TMEM204: variants seen among roughly 807,000 people sequenced by gnomAD.
The protein encoded by TMEM204 is claudin-like protein 24.
A neutral mutation model predicts 19.4 loss-of-function variants in TMEM204; 15 were observed. The ratio of observed to expected loss-of-function variants is 0.77; its 90% CI spans 0.52 to 1.19. The LOEUF is 1.19. Ranked by LOEUF, TMEM204 falls within the 50% of genes most tolerant of loss-of-function variation. The pLI, the probability that TMEM204 is intolerant of heterozygous loss-of-function variation, is 0.00. For missense variants in TMEM204, 287 were observed against 321.2 expected (o/e 0.89, Z 0.81); for synonymous variants, 161 against 146.0 (o/e 1.10, Z -0.74).
intron 2 of TMEM204, among the ~76,000 whole-genome samples, chr16:1,552,306 C>T (rs2032716463): frequency 6.6e-6 from 1 of 152,006 alleles, no homozygotes; most frequent in Admixed American, 6.5e-5. Context: ...TGGGACTCTC[C>T]CCAAGGCTCC....
chr16:1,541,990 T>C lies in TMEM204; in HGVS notation c.350T>C (p.Phe117Ser). The C allele has an allele frequency of 6.2e-7, 1 of 1,611,280 alleles. No individual in the cohort carries two copies. The highest frequency in any genetic ancestry group is 8.5e-7 in the Non-Finnish European group (1 of 1,179,670). ...TAALTAGQLT[F>S]LLGLVGLPLL... ...GCGCTCACCGCAGGCCAGCTCACCTTCCTCCTGGGGCTGGTGGGCCTGCCC... is the reference window on the plus strand; with the variant it reads ...GCGCTCACCGCAGGCCAGCTCACCTCCCTCCTGGGGCTGGTGGGCCTGCCC... Residue 117 changes from phenylalanine (F) to serine (S), a missense_variant, in exon 2 of 3, where the codon TTC becomes TCC. Coordinates refer to ENST00000566264, the MANE Select transcript of TMEM204 (RefSeq NM_024600.6).
At chr16:1,538,677 A>G (rs1796910931) in intron 1 of TMEM204, among the ~76,000 whole-genome samples, 1 of 152,230 alleles carries the variant, frequency 6.6e-6, no homozygotes, top group South Asian at 2.1e-4. Flanking sequence ...AGTCATTGCC[A>G]AGACAGTTAA....
intron 2 of TMEM204, among the ~76,000 whole-genome samples, chr16:1,549,407 C>T (rs760465921): frequency 6.6e-6 from 1 of 152,244 alleles, no homozygotes; most frequent in Non-Finnish European, 1.5e-5. Context: ...CGGCTCCAGA[C>T]GCACCCCAGG....
chr16:1,528,883 C>CA, upstream of TMEM204: 1 of 152,352 alleles, frequency 6.6e-6, no homozygotes, highest in Non-Finnish European at 1.5e-5. Flanking sequence ...GGAGGACAGC[C>CA]AGGGAGCCCA....
upstream of TMEM204, chr16:1,533,592 C>T (rs942173192): frequency 6.6e-6 from 1 of 152,342 alleles, no homozygotes; most frequent in African/African-American, 2.4e-5. This position sits in a 1 kb window ranked among gnomAD's most constrained non-coding sequence, Gnocchi z 4.7. Flanking sequence ...TGGTGTCTGG[C>T]TGCCGCGGCA....
chr16:1,541,510 T>C, intron 1 of TMEM204: 1 of 985,336 alleles, frequency 1.0e-6, no homozygotes, highest in Non-Finnish European at 1.2e-6. Flanking sequence ...AGCGCCCTCG[T>C]CTTGGATGCT....
intron 1 of TMEM204, chr16:1,541,448 C>A (rs542529205): frequency 3.0e-6 from 3 of 985,390 alleles, no homozygotes; most frequent in African/African-American, 1.7e-5. Context: ...CAGCTGAGCA[C>A]GCAGGACAGC....
At chr16:1,552,289 G>C (rs1033015143) in intron 2 of TMEM204, among the ~76,000 whole-genome samples, 3 of 151,994 alleles carry the variant, frequency 2.0e-5, no homozygotes, top group Non-Finnish European at 2.9e-5. Flanking sequence ...TCGCCCCCCT[G>C]CTGGGCTGGG....
rs960990014 is a variant in TMEM204, at chr16:1,550,300, G to A, written c.437-4482G>A. On this transcript the variant is annotated intron_variant, in intron 2 of 2. Coordinates refer to ENST00000566264, the MANE Select transcript of TMEM204 (RefSeq NM_024600.6). ...AGCAGACAGATGCTCTGAGGCCTGAGCTCGTGTTTATGGCAAGCAACACAG... is the reference window on the plus strand; with the variant it reads ...AGCAGACAGATGCTCTGAGGCCTGAACTCGTGTTTATGGCAAGCAACACAG... Among the ~76,000 whole-genome samples, 3 of 152,202 alleles carry A rather than the reference G, an allele frequency of 2.0e-5. No homozygotes were observed. In the South Asian group the frequency reaches 6.2e-4, roughly 31 times the overall value.
intron 1 of TMEM204, chr16:1,541,475 C>T (rs1435142754): frequency 1.0e-6 from 1 of 985,348 alleles, no homozygotes; most frequent in African/African-American, 1.7e-5. Context: ...GAGGAGCTGG[C>T]CCCCCGCGGA....
Position 1,534,155 on chromosome 16 carries a change from C to T in TMEM204, c.-121C>T, listed in dbSNP as rs1294681559. On this transcript the variant is annotated 5_prime_UTR_variant, in exon 1 of 3. Transcript: ENST00000566264. ...CCATCCCATGGGCCTCCGCCCGCGC[C>T]GCCCCGAGGATGAGTGGTGATGTCC... 12 of 1,314,634 alleles carry T rather than the reference C, an allele frequency of 9.1e-6. No individual in the cohort carries two copies. Among genetic ancestry groups the T allele is most frequent in the South Asian group, 1.4e-5 (1 of 69,398 alleles). 81.4% of individuals were successfully genotyped at this position (1,314,634 alleles called of 1,614,324 possible). A position where few individuals can be genotyped will look rare whatever the true frequency, so the allele number is the denominator to read the frequency against.
intron 2 of TMEM204, among the ~76,000 whole-genome samples, chr16:1,545,348 C>A (rs1363201906): frequency 6.6e-6 from 1 of 151,342 alleles, no homozygotes; most frequent in Admixed American, 6.6e-5. Context: ...TTTTCTTGCC[C>A]CCACAGGCCA....
In TMEM204 at chr16:1,555,056, C is replaced by T; in HGVS notation, c.*30C>T. 2 of 1,583,896 alleles carry T rather than the reference C, an allele frequency of 1.3e-6. No individual in the cohort carries two copies. Among genetic ancestry groups the T allele is most frequent in the South Asian group, 1.1e-5 (1 of 88,774 alleles). ...CCCTTCTCAGCGCTCCATCAACGCACACCTGCTATCGTGGAACAGCCTAGA... is the reference window on the plus strand; with the variant it reads ...CCCTTCTCAGCGCTCCATCAACGCATACCTGCTATCGTGGAACAGCCTAGA... On this transcript the variant is annotated 3_prime_UTR_variant, in exon 3 of 3. Coordinates refer to ENST00000566264, the MANE Select transcript of TMEM204 (RefSeq NM_024600.6).
chr16:1,552,072 A>G (rs1208150178), intron 2 of TMEM204, among the ~76,000 whole-genome samples: 3 of 152,130 alleles, frequency 2.0e-5, no homozygotes, highest in Non-Finnish European at 2.9e-5. Context: ...GGGGGGCACA[A>G]TCCCTTTCCA....
chr16:1,548,545 C>T (rs1438196239), intron 2 of TMEM204, among the ~76,000 whole-genome samples: 4 of 152,246 alleles, frequency 2.6e-5, no homozygotes, highest in East Asian at 1.9e-4. Flanking sequence ...TCTTCCCTTA[C>T]ATTTGTTTCT....
At chr16:1,538,287 T>C (rs1167794134) in intron 1 of TMEM204, among the ~76,000 whole-genome samples, 1 of 152,122 alleles carries the variant, frequency 6.6e-6, no homozygotes, top group Non-Finnish European at 1.5e-5. Flanking sequence ...CCATGGTGTG[T>C]GGCACAGGGC....
intron 2 of TMEM204, 113 bp downstream of exon 2, chr16:1,542,189 C>T: frequency 8.4e-7 from 1 of 1,195,640 alleles, no homozygotes. Flanking sequence ...GGCCATACCT[C>T]TCAACATGGC....
At chr16:1,540,389 C>G (rs1179193921) in intron 1 of TMEM204, among the ~76,000 whole-genome samples, 1 of 152,254 alleles carries the variant, frequency 6.6e-6, no homozygotes, top group African/African-American at 2.4e-5. Context: ...CCCCCACCAC[C>G]CCTGAGCCTT....
In TMEM204 at chr16:1,533,981, G is replaced by A. The variant is rs1298293818; in HGVS notation, c.-295G>A. The A allele has an allele frequency of 1.5e-5, 7 of 457,970 alleles. No homozygotes were observed. The highest frequency in any genetic ancestry group is 1.9e-5 in the Non-Finnish European group (5 of 259,722). The allele number at this position is 457,970 out of a possible 1,614,324, so 28.4% of individuals were successfully genotyped here. A position where few individuals can be genotyped will look rare whatever the true frequency, so the allele number is the denominator to read the frequency against. The stretch of plus-strand genomic sequence containing the variant: ...CAGGCCGGCCTCCGCTTCCCGGGAA[G>A]ACGGCGCACTCCTGGCCCTGGGTTC... On this transcript the variant is annotated 5_prime_UTR_variant, in exon 1 of 3. Coordinates refer to ENST00000566264, the MANE Select transcript of TMEM204 (RefSeq NM_024600.6). The surrounding 1 kb of genome is among the most constrained non-coding windows in gnomAD (Gnocchi z 4.7).
Sources: allele counts gnomAD v4.1 joint callset (sites outside exome capture counted in the v4.1 genomes callset), GRCh38; gene constraint gnomAD v4.1.1; non-coding constraint Gnocchi (gnomAD v3.1); transcripts MANE v1.5; gene names NCBI Gene and HGNC (gene_info 2026-07-23, HGNC 2026-07-21).